Variants in OSBPL10 observed in about 807,000 individuals in gnomAD.
The protein encoded by OSBPL10 is oxysterol binding protein like 10, also known as oxysterol-binding protein-related protein 10.
Under a neutral mutation model 81.7 loss-of-function variants are expected in OSBPL10, and 49 were observed. That is an observed-to-expected ratio of 0.60 (90% CI 0.48 to 0.76). The LOEUF (loss-of-function observed/expected upper bound fraction) is 0.76. Ranked by LOEUF, OSBPL10 falls within the 30% of genes least tolerant of loss-of-function variation. The pLI is 0.00. For missense variants in OSBPL10, 923 were observed against 987.8 expected, an observed-to-expected ratio of 0.93 and a Z score of 0.88; for synonymous variants, 419 against 383.6, an observed-to-expected ratio of 1.09 and a Z score of -1.08.
intron 2 of OSBPL10, among the ~76,000 whole-genome samples, chr3:32,035,584 AT>A (rs1699509947): frequency 2.0e-5 from 3 of 150,276 alleles, no homozygotes; most frequent in African/African-American, 4.9e-5. Context: ...AAAAAAAAAA[AT>A]CAGACATGTT....
At chr3:31,919,197 C>T (rs1696842792) in intron 1 of OSBPL10, among the ~76,000 whole-genome samples, 1 of 152,218 alleles carries the variant, frequency 6.6e-6, no homozygotes, top group Non-Finnish European at 1.5e-5. Flanking sequence ...GCCTCTTACA[C>T]AGATTTCTAT....
intron 4 of OSBPL10, among the ~76,000 whole-genome samples, chr3:31,756,356 T>C (rs948260775): frequency 1.3e-5 from 2 of 152,296 alleles, no homozygotes; most frequent in Middle Eastern, 3.4e-3. Context: ...ATTCTCACCA[T>C]CTGGAAACCA....
At chr3:31,859,837 T>G (rs1701016778) in intron 3 of OSBPL10, among the ~76,000 whole-genome samples, 2 of 152,170 alleles carry the variant, frequency 1.3e-5, no homozygotes, top group African/African-American at 2.4e-5. Context: ...ACCCTTACCT[T>G]GTAGTATAAT....
chr3:31,809,870 T>TTTTTTC (rs1699629824), intron 4 of OSBPL10, among the ~76,000 whole-genome samples: 1 of 51,790 alleles, frequency 1.9e-5, no homozygotes, highest in African/African-American at 1.1e-4. Flanking sequence ...CCCCTGACTC[T>TTTTTTC]TTTTTTTTTT....
intron 3 of OSBPL10, among the ~76,000 whole-genome samples, chr3:31,833,285 C>A (rs77374943): frequency 5.9e-5 from 9 of 152,140 alleles, no homozygotes; most frequent in Admixed American, 3.9e-4. Context: ...TCTATCCCCC[C>A]ACTCCTCCCC....
intron 4 of OSBPL10, among the ~76,000 whole-genome samples, chr3:31,809,974 C>A (rs1219049950): frequency 6.7e-6 from 1 of 148,300 alleles, no homozygotes; most frequent in East Asian, 2.0e-4. Flanking sequence ...TGGATTCAAG[C>A]GATTCTCCTG....
intron 2 of OSBPL10, chr3:31,989,077 CT>C: frequency 1.2e-6 from 2 of 1,614,062 alleles, no homozygotes; most frequent in Non-Finnish European, 1.7e-6. Flanking sequence ...TTTCTAAAGA[CT>C]CATGTTACGT....
intron 1 of OSBPL10, among the ~76,000 whole-genome samples, chr3:31,891,718 G>C (rs1695896671): frequency 6.6e-6 from 1 of 152,084 alleles, no homozygotes; most frequent in African/African-American, 2.4e-5. Flanking sequence ...TATTTGGCAG[G>C]GGCTCACACT....
chr3:31,746,535 G>A (rs575985829), intron 5 of OSBPL10, among the ~76,000 whole-genome samples: 15 of 151,924 alleles, frequency 9.9e-5, no homozygotes, highest in African/African-American at 2.7e-4. Flanking sequence ...AAAATTAGTC[G>A]GGTGTGGTGG....
intron 1 of OSBPL10, chr3:32,046,752 A>T (rs139218830): frequency 6.6e-6 from 1 of 152,242 alleles, no homozygotes; most frequent in East Asian, 1.9e-4. Flanking sequence ...TATCATTTAC[A>T]TGATTTCATG....
chr3:31,754,583 G>C lies in OSBPL10; in HGVS notation c.730-6463C>G, dbSNP rs796649175. 1.2e-4 allele frequency among the ~76,000 whole-genome samples: 18 copies of C among 152,264 alleles called. 2 individuals are homozygous for C. Among genetic ancestry groups the C allele is most frequent in the African/African-American group, 3.6e-4 (15 of 41,562 alleles). On this transcript the variant is annotated intron_variant, in intron 4 of 11. Transcript: ENST00000396556. ...ACAAACAAAAGGTAAACAGGCGGCA[G>C]GATCTCAAAAACAGTGACCACTAGG...
intron 1 of OSBPL10, among the ~76,000 whole-genome samples, chr3:31,980,239 T>G (rs1698795535): frequency 6.6e-6 from 1 of 152,108 alleles, no homozygotes; most frequent in Non-Finnish European, 1.5e-5. Context: ...CCTGACTTCG[T>G]GATCTGCCCG....
At chr3:31,919,817 A>T (rs1460845535) in intron 1 of OSBPL10, among the ~76,000 whole-genome samples, 6 of 152,244 alleles carry the variant, frequency 3.9e-5, no homozygotes, top group African/African-American at 1.2e-4. Context: ...CTGCAAATCT[A>T]TCCACCAAAT....
At chr3:31,901,964 A>G (rs1442172291) in intron 1 of OSBPL10, among the ~76,000 whole-genome samples, 1 of 152,146 alleles carries the variant, frequency 6.6e-6, no homozygotes, top group African/African-American at 2.4e-5. Context: ...TAGGAGGCAG[A>G]GGTTGTAGTG....
intron 2 of OSBPL10, among the ~76,000 whole-genome samples, chr3:32,038,135 A>G (rs972940337): frequency 6.6e-6 from 1 of 152,120 alleles, no homozygotes; most frequent in African/African-American, 2.4e-5. Context: ...GAGTCCAGGG[A>G]AAGAGCCCTT....
intron 5 of OSBPL10, among the ~76,000 whole-genome samples, chr3:31,747,445 A>C (rs1697559073): frequency 7.3e-6 from 1 of 136,760 alleles, no homozygotes; most frequent in South Asian, 2.4e-4. Flanking sequence ...CCATTTTGTC[A>C]TTTTAAGGTA....
intron 8 of OSBPL10, among the ~76,000 whole-genome samples, chr3:31,674,279 T>C (rs1241187409): frequency 6.6e-6 from 1 of 152,094 alleles, no homozygotes; most frequent in African/African-American, 2.4e-5. Context: ...GCTAGGCCTG[T>C]GCAGTGGCTC....
intron 2 of OSBPL10, among the ~76,000 whole-genome samples, chr3:32,019,716 A>G (rs1699344834): frequency 6.6e-6 from 1 of 152,250 alleles, no homozygotes; most frequent in Admixed American, 6.5e-5. Context: ...TGATGCAATT[A>G]TAAAAAATTA....
chr3:31,867,201 G>A (rs891061160), intron 3 of OSBPL10, among the ~76,000 whole-genome samples: 9 of 152,158 alleles, frequency 5.9e-5, no homozygotes, highest in African/African-American at 2.2e-4. Flanking sequence ...GGAGGAGATG[G>A]GAAACCAGGT....
Sources: allele counts gnomAD v4.1 joint callset (sites outside exome capture counted in the v4.1 genomes callset), GRCh38; gene constraint gnomAD v4.1.1; transcripts MANE v1.5; gene names NCBI Gene and HGNC (gene_info 2026-07-23, HGNC 2026-07-21).